HOOK1: variants seen among roughly 807,000 people sequenced by gnomAD.
HOOK1 encodes the protein hook microtubule tethering protein 1, also known as protein Hook homolog 1.
In HOOK1, 60 loss-of-function variants were observed where a neutral mutation model predicts 112.8. That is an observed-to-expected ratio of 0.53 (90% confidence interval 0.43 to 0.66). The LOEUF (loss-of-function observed/expected upper bound fraction) is 0.66. HOOK1 is among the 30% of genes least tolerant of loss of function. HOOK1 has a pLI of 0.00. For synonymous variants in HOOK1, 294 were observed against 283.8 expected, an observed-to-expected ratio of 1.04 and a Z score of -0.36; for missense variants, 770 against 856.0, an observed-to-expected ratio of 0.90 and a Z score of 1.25.
chr1:59,871,647 T>C (rs1363926277), intron 21 of HOOK1, among the ~76,000 whole-genome samples: 1 of 152,194 alleles, frequency 6.6e-6, no homozygotes, highest in Non-Finnish European at 1.5e-5. Context: ...TATTTTGTCA[T>C]TGGTAGTATC....
intron 16 of HOOK1, 73 bp from the exon 17 acceptor site, chr1:59,864,559 G>A (rs549760280): frequency 1.1e-6 from 1 of 913,778 alleles, no homozygotes; most frequent in East Asian, 2.5e-5. Flanking sequence ...AGGAGGTAAA[G>A]AGATTTCGAT....
chr1:59,825,806 T>C (rs955881703), intron 2 of HOOK1, among the ~76,000 whole-genome samples: 1 of 152,178 alleles, frequency 6.6e-6, no homozygotes, highest in African/African-American at 2.4e-5. Context: ...GTCAGTTGTG[T>C]ATAAAGTATA....
intron 10 of HOOK1, among the ~76,000 whole-genome samples, chr1:59,847,940 CTA>C (rs1559053950): frequency 1.3e-5 from 2 of 151,676 alleles, no homozygotes. Flanking sequence ...TGGAAGGAAA[CTA>C]TGCTGAATGT....
At chr1:59,823,095 C>T (rs1164104737) in intron 2 of HOOK1, among the ~76,000 whole-genome samples, 8 of 152,148 alleles carry the variant, frequency 5.3e-5, no homozygotes, top group East Asian at 1.9e-4. Context: ...CCGAGGAGGG[C>T]GAATCACAAG....
At chr1:59,837,096 G>C (rs1229624844) in intron 7 of HOOK1, among the ~76,000 whole-genome samples, 161 bp downstream of exon 7, 1 of 152,136 alleles carries the variant, frequency 6.6e-6, no homozygotes, top group African/African-American at 2.4e-5. Context: ...CAGTGGTGTT[G>C]GTCTCCAGAG....
intron 12 of HOOK1, among the ~76,000 whole-genome samples, chr1:59,854,260 C>T: frequency 6.6e-6 from 1 of 151,028 alleles, no homozygotes; most frequent in African/African-American, 2.4e-5. Flanking sequence ...CCATGTTGGT[C>T]AGGCTGGTCT....
chr1:59,836,386 G>C (rs1032709285), intron 6 of HOOK1, among the ~76,000 whole-genome samples: 10 of 152,162 alleles, frequency 6.6e-5, no homozygotes, highest in African/African-American at 2.2e-4. Context: ...AGTTTGCATT[G>C]TTGGTTTGGA....
chr1:59,854,674 C>G (rs1320869416), intron 12 of HOOK1, among the ~76,000 whole-genome samples: 1 of 152,070 alleles, frequency 6.6e-6, no homozygotes, highest in Non-Finnish European at 1.5e-5. Context: ...ATTAAGGCTC[C>G]TTTTAAGTGA....
intron 15 of HOOK1, among the ~76,000 whole-genome samples, chr1:59,861,022 C>G (rs1478502792): frequency 6.6e-6 from 1 of 152,042 alleles, no homozygotes; most frequent in Non-Finnish European, 1.5e-5. Flanking sequence ...ATGATCCACC[C>G]ACCCTGGCCT....
intron 4 of HOOK1, 21 bp downstream of exon 4, chr1:59,832,234 T>G (rs758297603): frequency 6.9e-7 from 1 of 1,459,106 alleles, no homozygotes; most frequent in Admixed American, 2.0e-5. Context: ...CATCTGACTT[T>G]GTTTAAATGC....
Position 59,875,906 on chromosome 1 carries a change from T to G in HOOK1, c.*2941T>G, listed in dbSNP as rs1012569211. 2.6e-5 allele frequency: 4 copies of G among 152,474 alleles called. No individual in the cohort carries two copies. The highest frequency in any genetic ancestry group is 4.8e-5 in the African/African-American group (2 of 41,412). The allele number at this position is 152,474 out of a possible 1,614,324, so 9.4% of individuals were successfully genotyped here. A position where few individuals can be genotyped will look rare whatever the true frequency, so the allele number is the denominator to read the frequency against. ...ATGTCATCATTTCTGATAATTAGAG[T>G]GCTAATTTGAATGTTAGATAATGTT... On this transcript the variant is annotated 3_prime_UTR_variant, in exon 22 of 22. Transcript: ENST00000371208.
In HOOK1 at chr1:59,848,497, T is replaced by C. The variant is rs756374973; in HGVS notation, c.1112T>C (p.Leu371Ser). ...LKKANAARTQ[L>S]ETYKRQVQDL... ...AAAGCAAATGCAGCACGTACACAATTAGAAACATACAAAAGGCAGGTAAGA... is the reference window on the plus strand; with the variant it reads ...AAAGCAAATGCAGCACGTACACAATCAGAAACATACAAAAGGCAGGTAAGA... Residue 371 changes from leucine to serine, a missense_variant, in exon 11 of 22, where the codon TTA becomes TCA. Coordinates refer to ENST00000371208, the MANE Select transcript of HOOK1 (RefSeq NM_015888.6). 1.2e-6 allele frequency: 2 copies of C among 1,607,638 alleles called. No homozygotes were observed. The highest frequency in any genetic ancestry group is 2.2e-5 in the South Asian group (2 of 90,364).
At chr1:59,823,537 A>T (rs539782340) in intron 2 of HOOK1, among the ~76,000 whole-genome samples, 6 of 151,804 alleles carry the variant, frequency 4.0e-5, no homozygotes, top group Admixed American at 3.9e-4. Context: ...TGTGGTTGGT[A>T]TGAATGTAAG....
Position 59,815,069 on chromosome 1 carries a change from A to G in HOOK1, c.-49A>G. ...CGCCGGCTCCTGGAGGAGAGCCGGT[A>G]GGAGGGAGTGTGAAGGTGTCCGCGG... On this transcript the variant is annotated 5_prime_UTR_variant, in exon 1 of 22. Transcript: ENST00000371208. The G allele has an allele frequency of 7.3e-7, 1 of 1,369,482 alleles. No homozygotes were observed. 84.8% of individuals were successfully genotyped at this position (1,369,482 alleles called of 1,614,324 possible). A position where few individuals can be genotyped will look rare whatever the true frequency, so the allele number is the denominator to read the frequency against.
rs545100232 is a variant in HOOK1, at chr1:59,872,925, G to A, written c.2147G>A (p.Arg716Lys). Reference protein sequence around the residue: ...AQQRHITNTRRNLSVKVPATT... With the variant: ...AQQRHITNTRKNLSVKVPATT... ...CAACGGCACATCACCAACACCAGAA[G>A]AAATCTCTCTGTTAAAGTCCCTGCT... is the stretch of plus-strand genomic sequence containing the variant. The change falls in exon 22 of 22, where the codon AGA (arginine) becomes AAA (lysine). Residue 716 changes from arginine to lysine, a missense_variant. Transcript: ENST00000371208. 558 of 1,520,622 alleles carry A rather than the reference G, an allele frequency of 3.7e-4. 4 individuals carry two copies. The South Asian group carries it at 4.5e-3, about 12-fold the overall frequency. 94.2% of individuals were successfully genotyped at this position (1,520,622 alleles called of 1,614,324 possible). A position where few individuals can be genotyped will look rare whatever the true frequency, so the allele number is the denominator to read the frequency against.
At chr1:59,836,806 A>C in intron 6 of HOOK1, 67 bp from the exon 7 acceptor site, 1 of 943,158 alleles carries the variant, frequency 1.1e-6, no homozygotes, top group Non-Finnish European at 1.6e-6. Context: ...CTATCCTTTC[A>C]AGAAAATATA....
chr1:59,830,946 C>G (rs933540717), intron 3 of HOOK1, among the ~76,000 whole-genome samples: 2 of 150,206 alleles, frequency 1.3e-5, no homozygotes, highest in African/African-American at 2.5e-5. Flanking sequence ...TTACGCCCAG[C>G]CTGGAGTGAA....
chr1:59,826,767 T>C (rs189762383), intron 2 of HOOK1, among the ~76,000 whole-genome samples: 189 of 152,282 alleles, frequency 1.2e-3, no homozygotes, highest in African/African-American at 4.4e-3. Context: ...ATGCAGATTC[T>C]TTTTCTTTTT....
chr1:59,858,550 G>A, intron 13 of HOOK1, 35 bp downstream of exon 13: 1 of 1,382,714 alleles, frequency 7.2e-7, no homozygotes, highest in Non-Finnish European at 1.0e-6. Context: ...GTTTCAGCCT[G>A]GGCAGCATAG....
Sources: gnomAD v4.1 joint callset for allele counts (sites outside exome capture counted in the v4.1 genomes callset) on GRCh38, gnomAD v4.1.1 for gene constraint, MANE v1.5 for transcripts, NCBI Gene and HGNC (gene_info 2026-07-23, HGNC 2026-07-21) for gene names.